Variants in DYM observed in about 807,000 individuals in gnomAD.
The protein encoded by DYM is dymeclin, also known as dyggve-Melchior-Clausen syndrome protein.
Under a neutral mutation model 93.1 loss-of-function variants are expected in DYM, and 78 were observed. The observed-to-expected ratio is 0.84, with a 90% CI of 0.70 to 1.01. The LOEUF is 1.01. DYM is among the 50% of genes least tolerant of loss of function. The probability of loss-of-function intolerance (pLI) is 0.00; values close to 1 mark genes in which losing one functional copy is unlikely to be tolerated. For missense variants in DYM, 789 were observed against 845.0 expected (o/e 0.93, Z 0.82); for synonymous variants, 321 against 319.7 (o/e 1.00, Z -0.04).
chr18:49,332,065 TAACA>T, intron 7 of DYM, 59 bp from the exon 8 acceptor site: 3 of 1,514,838 alleles, frequency 2.0e-6, no homozygotes, highest in Non-Finnish European at 2.7e-6. Flanking sequence ...TAATTCTGAA[TAACA>T]ATACAGAAAT....
intron 14 of DYM, among the ~76,000 whole-genome samples, chr18:49,209,076 A>C (rs1415994619): frequency 6.6e-6 from 1 of 152,174 alleles, no homozygotes; most frequent in Non-Finnish European, 1.5e-5. Flanking sequence ...AAAATACAAA[A>C]CCCCAATAGT....
chr18:49,411,550 T>C (rs2072245257), intron 2 of DYM, among the ~76,000 whole-genome samples: 1 of 152,144 alleles, frequency 6.6e-6, no homozygotes, highest in Non-Finnish European at 1.5e-5. Context: ...TTCTCATATA[T>C]GAATCTCAAT....
intron 17 of DYM, among the ~76,000 whole-genome samples, chr18:49,080,274 T>G (rs1157200236): frequency 1.8e-5 from 2 of 111,522 alleles, no homozygotes; most frequent in African/African-American, 3.5e-5. Flanking sequence ...CACTTCCCAG[T>G]AGGGGCGGCG....
At chr18:49,259,764 T>A (rs1314050448) in intron 11 of DYM, among the ~76,000 whole-genome samples, 2 of 152,150 alleles carry the variant, frequency 1.3e-5, no homozygotes, top group Admixed American at 1.3e-4. Flanking sequence ...AATCAAAACG[T>A]AAAAGGTGCT....
At chr18:49,335,253 T>C (rs191352363) in intron 6 of DYM, among the ~76,000 whole-genome samples, 1 of 152,360 alleles carries the variant, frequency 6.6e-6, no homozygotes, top group East Asian at 1.9e-4. Context: ...TAAAGTATTG[T>C]AGAACAATCT....
chr18:49,127,759 A>C (rs998678801), intron 15 of DYM, among the ~76,000 whole-genome samples: 11 of 152,246 alleles, frequency 7.2e-5, no homozygotes, highest in Non-Finnish European at 1.5e-5. Context: ...ATTTCTAGCC[A>C]GAACTGGATT....
chr18:49,406,686 A>T (rs565596719), intron 2 of DYM, among the ~76,000 whole-genome samples: 9 of 152,354 alleles, frequency 5.9e-5, no homozygotes, highest in Admixed American at 5.9e-4. Flanking sequence ...AAAAATAGTG[A>T]CAACATCAAA....
At position 49,106,998 on chromosome 18, in the gene DYM, T is replaced by C. The variant is rs575474635; in HGVS notation, c.1912-9483A>G. On this transcript the variant is annotated intron_variant, in intron 16 of 17. Coordinates refer to ENST00000675505, the MANE Select transcript of DYM (RefSeq NM_001353214.3). ...TTCTCCTGGATAATATCCTGCAGAA[T>C]GTTTTCCAACTTGGTTCCATTCTCC... 8.7e-4 allele frequency among the ~76,000 whole-genome samples: 132 copies of C among 152,376 alleles called. 3 individuals carry two copies. The highest frequency in any genetic ancestry group is 2.9e-3 in the African/African-American group (122 of 41,594).
At chr18:49,256,707 C>G (rs2094399806) in intron 13 of DYM, among the ~76,000 whole-genome samples, 1 of 152,138 alleles carries the variant, frequency 6.6e-6, no homozygotes, top group African/African-American at 2.4e-5. Flanking sequence ...AAATGCGCAT[C>G]AAATACATTC....
At chr18:49,219,360 T>C (rs2093239436) in intron 13 of DYM, among the ~76,000 whole-genome samples, 1 of 152,204 alleles carries the variant, frequency 6.6e-6, no homozygotes, top group South Asian at 2.1e-4. Context: ...CTTCAGAAAC[T>C]ATTCCAATCA....
chr18:49,408,413 G>C (rs1309875538), intron 2 of DYM, among the ~76,000 whole-genome samples: 2 of 152,084 alleles, frequency 1.3e-5, no homozygotes, highest in African/African-American at 4.8e-5. Flanking sequence ...TTCTGAACTT[G>C]TCCAATTATG....
chr18:49,391,608 C>T lies in DYM; in HGVS notation c.178G>A (p.Val60Ile). ...LKLLEEATIS[V>I]CRSLVENNPR... ...TCCCACTTACCTAATGACCTGCAGA[C>T]TGAAATGGTTGCTTCCTCCAAGAGT... The change falls in exon 3 of 18, where the codon GTC (valine) becomes ATC (isoleucine). Residue 60 changes from valine (V) to isoleucine (I), a missense_variant. By Grantham distance (29) the Val-to-Ile change is conservative (BLOSUM62 3). This residue lies in a region of DYM where 450 missense variants were observed against 436.2 expected (regional missense o/e 1.03). Coordinates refer to ENST00000675505, the MANE Select transcript of DYM (RefSeq NM_001353214.3). 2 of 1,613,556 alleles carry T rather than the reference C, an allele frequency of 1.2e-6. No homozygotes were observed. Among genetic ancestry groups the T allele is most frequent in the Non-Finnish European group, 1.7e-6 (2 of 1,179,654 alleles).
intron 2 of DYM, among the ~76,000 whole-genome samples, chr18:49,425,307 T>G (rs2074163443): frequency 6.6e-6 from 1 of 152,164 alleles, no homozygotes; most frequent in African/African-American, 2.4e-5. Flanking sequence ...GATTCCCTAT[T>G]TAATAAATGG....
chr18:49,139,474 T>C (rs2084217428), intron 15 of DYM, among the ~76,000 whole-genome samples: 1 of 152,202 alleles, frequency 6.6e-6, no homozygotes, highest in East Asian at 1.9e-4. Context: ...TGCTAAACTG[T>C]GAAAATATCC....
chr18:49,444,765 T>G (rs1721566766), intron 1 of DYM, among the ~76,000 whole-genome samples: 1 of 152,184 alleles, frequency 6.6e-6, no homozygotes, highest in South Asian at 2.1e-4. Flanking sequence ...AAACGTTAAG[T>G]ATCAAGAAAA....
At chr18:49,430,212 A>C in intron 2 of DYM, 43 bp downstream of exon 2, 6 of 1,577,318 alleles carry the variant, frequency 3.8e-6, no homozygotes, top group Non-Finnish European at 5.2e-6. Flanking sequence ...ACAAGTTGAT[A>C]TGGCCCTCTA....
intron 8 of DYM, among the ~76,000 whole-genome samples, chr18:49,324,224 A>G (rs2062728610): frequency 6.6e-6 from 1 of 151,266 alleles, no homozygotes; most frequent in Admixed American, 6.6e-5. Context: ...TTAACTATTA[A>G]CTGCCGTACT....
intron 17 of DYM, among the ~76,000 whole-genome samples, chr18:49,074,819 G>A (rs948217129): frequency 7.2e-5 from 11 of 152,226 alleles, no homozygotes; most frequent in African/African-American, 1.9e-4. Flanking sequence ...TAAGTTCCAA[G>A]AGAACTAAAA....
intron 17 of DYM, among the ~76,000 whole-genome samples, chr18:49,054,316 A>G (rs1011455055): frequency 7.9e-5 from 12 of 152,130 alleles, no homozygotes; most frequent in Non-Finnish European, 1.3e-4. Context: ...ATCTCGGCTC[A>G]CTGCAACCTC....
Sources: allele counts gnomAD v4.1 joint callset (sites outside exome capture counted in the v4.1 genomes callset), GRCh38; gene constraint gnomAD v4.1.1; regional missense constraint gnomAD v4.1.1; transcripts MANE v1.5; gene names NCBI Gene and HGNC (gene_info 2026-07-23, HGNC 2026-07-21).